FRMD6: variants seen among roughly 807,000 people sequenced by gnomAD.
FRMD6 encodes the protein FERM domain containing 6, also known as FERM domain-containing protein 6.
In FRMD6, 37 loss-of-function variants were observed where a neutral mutation model predicts 73.2. That is an observed-to-expected ratio of 0.51 (90% CI 0.39 to 0.66). The LOEUF is 0.66. Ranked by LOEUF, FRMD6 falls within the 30% of genes least tolerant of loss-of-function variation. The pLI is 0.00. For synonymous variants in FRMD6, 273 were observed against 282.2 expected, an observed-to-expected ratio of 0.97 and a Z score of 0.33; for missense variants, 714 against 780.5, an observed-to-expected ratio of 0.91 and a Z score of 1.02.
chr14:51,450,745 T>A, the FRMD6 span, among the ~76,000 whole-genome samples: 4 of 152,190 alleles, frequency 2.6e-5, no homozygotes, highest in Non-Finnish European at 4.4e-5. Flanking sequence ...AAACCATGAC[T>A]ATGGGCTAGA....
At chr14:51,460,958 G>A in the FRMD6 span, among the ~76,000 whole-genome samples, 13 of 152,134 alleles carry the variant, frequency 8.5e-5, no homozygotes, top group African/African-American at 2.6e-4. Flanking sequence ...ATGACGGAGT[G>A]AGAGGAAAAA....
At chr14:51,436,542 GA>G in the FRMD6 span, 1 of 661,258 alleles carries the variant, frequency 1.5e-6, no homozygotes, top group Non-Finnish European at 2.6e-6. Context: ...AAAGTCCACT[GA>G]AATCAAATGG....
At chr14:51,693,737 T>A (rs2140391202) in intron 2 of FRMD6, among the ~76,000 whole-genome samples, 1 of 152,308 alleles carries the variant, frequency 6.6e-6, no homozygotes, top group South Asian at 2.1e-4. Flanking sequence ...ATGAAGAGTC[T>A]GAATCCCATG....
intron 2 of FRMD6, among the ~76,000 whole-genome samples, chr14:51,623,173 C>T (rs1000352628): frequency 6.6e-6 from 1 of 152,022 alleles, no homozygotes; most frequent in Admixed American, 6.6e-5. Flanking sequence ...TAGAGCAACA[C>T]CTTAGGTATA....
rs376700361 is a variant in FRMD6, at chr14:51,690,662, G to A, written c.99+727G>A. ...CTCCCATAGTGCTGGGATTACAGGC[G>A]TGAGCCACCGCGCCCAGCCTTAGAT... On this transcript the variant is annotated intron_variant, in intron 2 of 13. Coordinates refer to ENST00000344768, the MANE Select transcript of FRMD6 (RefSeq NM_001267046.2). Among the ~76,000 whole-genome samples the A allele has an allele frequency of 1.9e-4, 29 of 152,290 alleles. No homozygotes were observed. The East Asian group carries it at 4.6e-3, about 24-fold the overall frequency.
At chr14:51,571,468 G>T (rs987337289) in intron 2 of FRMD6, among the ~76,000 whole-genome samples, 1 of 152,152 alleles carries the variant, frequency 6.6e-6, no homozygotes, top group Non-Finnish European at 1.5e-5. Context: ...CTGAAAAACA[G>T]CCTGGATAGC....
At chr14:51,637,464 G>GGCAC (rs1555329481) in intron 2 of FRMD6, 2 of 128,052 alleles carry the variant, frequency 1.6e-5, no homozygotes, top group Non-Finnish European at 3.2e-5. Context: ...GATACACACA[G>GGCAC]GCACACACAC....
At chr14:51,425,991 C>G in the FRMD6 span, among the ~76,000 whole-genome samples, 4 of 151,572 alleles carry the variant, frequency 2.6e-5, no homozygotes, top group African/African-American at 9.7e-5. Context: ...TCCTGGCCAC[C>G]CTGCCCTGAA....
At chr14:51,455,473 T>C in the FRMD6 span, among the ~76,000 whole-genome samples, 1 of 152,206 alleles carries the variant, frequency 6.6e-6, no homozygotes, top group African/African-American at 2.4e-5. Context: ...TATTTATGGG[T>C]TTTGTAAATT....
intron 1 of FRMD6, among the ~76,000 whole-genome samples, chr14:51,659,000 A>C (rs538610899): frequency 2.6e-5 from 4 of 152,184 alleles, no homozygotes; most frequent in Non-Finnish European, 5.9e-5. Context: ...TATGCTGACC[A>C]TAGGGCCACA....
At chr14:51,636,981 T>A (rs1891595705) in intron 2 of FRMD6, among the ~76,000 whole-genome samples, 1 of 152,202 alleles carries the variant, frequency 6.6e-6, no homozygotes, top group Non-Finnish European at 1.5e-5. Flanking sequence ...CCCAGCACTT[T>A]GGGAGGTTGA....
At chr14:51,400,834 G>C in the FRMD6 span, among the ~76,000 whole-genome samples, 2 of 152,278 alleles carry the variant, frequency 1.3e-5, no homozygotes, top group South Asian at 4.1e-4. Flanking sequence ...AATCCAGAGG[G>C]CTATTTAGGT....
chr14:51,443,082 G>T, the FRMD6 span, among the ~76,000 whole-genome samples: 1 of 152,162 alleles, frequency 6.6e-6, no homozygotes, highest in South Asian at 2.1e-4. Flanking sequence ...AATCTTACGT[G>T]CATCATCCAT....
chr14:51,409,552 C>T, the FRMD6 span, among the ~76,000 whole-genome samples: 2 of 152,060 alleles, frequency 1.3e-5, no homozygotes, highest in Non-Finnish European at 1.5e-5. Context: ...AATGCAAATG[C>T]CCATGCTTAA....
At chr14:51,519,619 G>A (rs1258758375) in intron 1 of FRMD6, among the ~76,000 whole-genome samples, 3 of 152,116 alleles carry the variant, frequency 2.0e-5, no homozygotes, top group Admixed American at 6.6e-5. Context: ...TGAAATCCAG[G>A]ACAAACCCAA....
At chr14:51,566,607 C>T (rs1408015617) in intron 1 of FRMD6, among the ~76,000 whole-genome samples, 1 of 152,204 alleles carries the variant, frequency 6.6e-6, no homozygotes, top group African/African-American at 2.4e-5. Flanking sequence ...CTCCAGCCTT[C>T]CTACACAGTA....
the FRMD6 span, among the ~76,000 whole-genome samples, chr14:51,462,288 G>A: frequency 1.3e-5 from 2 of 152,142 alleles, no homozygotes; most frequent in African/African-American, 4.8e-5. Flanking sequence ...TTTGTAAATG[G>A]GATGATGTCA....
At chr14:51,639,172 A>T (rs1004112324) in intron 2 of FRMD6, among the ~76,000 whole-genome samples, 8 of 152,148 alleles carry the variant, frequency 5.3e-5, no homozygotes, top group African/African-American at 1.7e-4. Flanking sequence ...ACACAAAAAT[A>T]ATTATTACAT....
chr14:51,420,405 T>C, the FRMD6 span, among the ~76,000 whole-genome samples: 1 of 152,216 alleles, frequency 6.6e-6, no homozygotes, highest in East Asian at 1.9e-4. Context: ...TGGAGACTTA[T>C]GACTAGTAAT....
Sources: allele counts gnomAD v4.1 joint callset (sites outside exome capture counted in the v4.1 genomes callset), GRCh38; gene constraint gnomAD v4.1.1; transcripts MANE v1.5; gene names NCBI Gene and HGNC (gene_info 2026-07-23, HGNC 2026-07-21).